DUSP15: variants seen among roughly 807,000 people sequenced by gnomAD.
The protein encoded by DUSP15 is dual specificity protein phosphatase 15.
In DUSP15, 23 loss-of-function variants were observed where a neutral mutation model predicts 26.3. The observed-to-expected ratio is 0.87, with a 90% CI of 0.63 to 1.24. The LOEUF (loss-of-function observed/expected upper bound fraction) is 1.24, where lower values mean the gene tolerates loss of function less well. DUSP15 is among the 50% of genes most tolerant of loss of function. The pLI, the probability that DUSP15 is intolerant of heterozygous loss-of-function variation, is 0.00. For missense variants in DUSP15, 364 were observed against 320.6 expected (o/e 1.14, Z -1.03); for synonymous variants, 143 against 135.5 (o/e 1.06, Z -0.39).
At chr20:31,851,113 C>T (rs1291447345) in intron 6 of DUSP15, among the ~76,000 whole-genome samples, 4 of 152,180 alleles carry the variant, frequency 2.6e-5, no homozygotes, top group African/African-American at 7.2e-5. Flanking sequence ...AGTTTCAGAG[C>T]TCAAACTCCC....
Position 31,862,554 on chromosome 20 carries a change from C to G in DUSP15, c.435+17G>C. ...CTCCCACCCCTGGCCCAACCCAGCC[C>G]TTGACCCCATCCCTACCTTCTGGGA... is the stretch of plus-strand genomic sequence containing the variant. On this transcript the variant is annotated intron_variant, in intron 6 of 6. Coordinates refer to ENST00000339738, the MANE Select transcript of DUSP15 (RefSeq NM_080611.5). The G allele has an allele frequency of 6.3e-7, 1 of 1,589,322 alleles. No homozygotes were observed. Among genetic ancestry groups the G allele is most frequent in the Non-Finnish European group, 8.6e-7 (1 of 1,164,718 alleles).
At chr20:31,861,978 T>C (rs953948796) in intron 6 of DUSP15, among the ~76,000 whole-genome samples, 2 of 146,124 alleles carry the variant, frequency 1.4e-5, no homozygotes, top group Non-Finnish European at 2.9e-5. Context: ...TCCTCCCGCT[T>C]TGCACTTCTG....
At chr20:31,846,442 T>TAGAGAGAGAGAGAGAGAGAG (rs71185371), downstream of DUSP15, among the ~76,000 whole-genome samples, 30 of 107,850 alleles carry the variant, frequency 2.8e-4, 2 homozygotes, top group African/African-American at 1.1e-3. Context: ...AAGGAATGAA[T>TAGAGAGAGAGAGAGAGAGAG]AGAGAGAGAG....
exon 7 of DUSP15, chr20:31,850,651 G>T (rs776342962): frequency 2.5e-6 from 4 of 1,611,846 alleles, no homozygotes; most frequent in Admixed American, 1.7e-5. Context: ...GGCACCAGAG[G>T]TTTTTGAGGT....
upstream of DUSP15, chr20:31,870,619 G>A: frequency 7.4e-7 from 1 of 1,353,490 alleles, no homozygotes; most frequent in East Asian, 2.9e-5. The surrounding 1 kb of genome is among the most constrained non-coding windows in gnomAD (Gnocchi z 6.6). Flanking sequence ...GCGGCGGGGG[G>A]CCGGACAAAG....
At position 31,864,940 on chromosome 20, in the gene DUSP15, C is replaced by T; in HGVS notation, c.188+13G>A. 1 of 1,613,858 alleles carries T rather than the reference C, an allele frequency of 6.2e-7. No individual in the cohort carries two copies. The highest frequency in any genetic ancestry group is 8.5e-7 in the Non-Finnish European group (1 of 1,179,792). ...CTGTCTGTCCATCTATGGGTCCATC[C>T]AGGGGAACTTACATGGGTACCTCAG... On this transcript the variant is annotated intron_variant, in intron 4 of 6. Transcript: ENST00000339738.
downstream of DUSP15, among the ~76,000 whole-genome samples, chr20:31,846,805 G>T (rs772278129): frequency 2.6e-5 from 4 of 152,184 alleles, no homozygotes; most frequent in Non-Finnish European, 4.4e-5. Context: ...TCAAGACCTT[G>T]GCTGAGCCTC....
At chr20:31,869,960 C>T in intron 1 of DUSP15, 7 of 1,351,344 alleles carry the variant, frequency 5.2e-6, no homozygotes, top group South Asian at 3.7e-5. Flanking sequence ...CAGGCAGAGG[C>T]GGGACAGGAT....
chr20:31,862,989 TGA>T (rs2062693067), intron 5 of DUSP15, among the ~76,000 whole-genome samples: 1 of 152,210 alleles, frequency 6.6e-6, no homozygotes, highest in African/African-American at 2.4e-5. Context: ...AAATATGTCC[TGA>T]GCATCTGTTC....
chr20:31,859,460 C>G (rs1291172694), downstream of DUSP15, among the ~76,000 whole-genome samples: 1 of 152,144 alleles, frequency 6.6e-6, no homozygotes, highest in East Asian at 1.9e-4. Flanking sequence ...AGCACTGGCA[C>G]AAAGCTGGGC....
At chr20:31,867,228 G>T in intron 2 of DUSP15, 75 bp from the exon 3 acceptor site, 2 of 1,322,918 alleles carry the variant, frequency 1.5e-6, no homozygotes, top group Non-Finnish European at 2.1e-6. Context: ...GGAGCTCACT[G>T]CCTGCCCAGC....
At chr20:31,856,421 C>T (rs976550509), downstream of DUSP15, among the ~76,000 whole-genome samples, 11 of 152,006 alleles carry the variant, frequency 7.2e-5, no homozygotes, top group Non-Finnish European at 1.6e-4. Flanking sequence ...AGAAAGATCC[C>T]TCTTAAGGAC....
intron 6 of DUSP15, among the ~76,000 whole-genome samples, chr20:31,854,746 G>T (rs2062533721): frequency 6.6e-6 from 1 of 152,154 alleles, no homozygotes; most frequent in Admixed American, 6.5e-5. Flanking sequence ...TGCCCTTGCT[G>T]GGTGTGTGTG....
At chr20:31,848,330 G>T in exon 10 of DUSP15, 1 of 1,474,584 alleles carries the variant, frequency 6.8e-7, no homozygotes, top group Non-Finnish European at 9.1e-7. Flanking sequence ...TGTGCCGGGG[G>T]AGGCCCCAAG....
intron 1 of DUSP15, 100 bp from the exon 2 acceptor site, chr20:31,869,697 G>A (rs2062875708): frequency 1.3e-6 from 2 of 1,551,004 alleles, no homozygotes; most frequent in African/African-American, 2.7e-5. Flanking sequence ...TCCCATGAAG[G>A]GTATGGACCT....
chr20:31,849,553 G>A (rs767208850), intron 8 of DUSP15: 2 of 996,804 alleles, frequency 2.0e-6, no homozygotes, highest in Non-Finnish European at 3.2e-6. Flanking sequence ...GGAGGAAGCC[G>A]CGTGTGTTCA....
At chr20:31,861,798 C>G in intron 6 of DUSP15, 123 bp from the exon 7 acceptor site, 1 of 765,544 alleles carries the variant, frequency 1.3e-6, no homozygotes, top group Non-Finnish European at 1.9e-6. Flanking sequence ...TCGCTGAGCC[C>G]CTCCCTTCCT....
At chr20:31,857,831 G>A (rs1236650569), downstream of DUSP15, among the ~76,000 whole-genome samples, 3 of 152,202 alleles carry the variant, frequency 2.0e-5, no homozygotes, top group Admixed American at 6.5e-5. Context: ...GGTGTTGGGA[G>A]CACCAAAAAG....
At chr20:31,850,804 C>A in intron 6 of DUSP15, 1 of 963,230 alleles carries the variant, frequency 1.0e-6, no homozygotes, top group Non-Finnish European at 1.6e-6. Context: ...AACCAAAGGG[C>A]CTGGAGGAGG....
Sources: gnomAD v4.1 joint callset for allele counts (sites outside exome capture counted in the v4.1 genomes callset) on GRCh38, gnomAD v4.1.1 for gene constraint, Gnocchi (gnomAD v3.1) non-coding constraint, MANE v1.5 for transcripts, NCBI Gene and HGNC (gene_info 2026-07-23, HGNC 2026-07-21) for gene names.